The following ATP2A1 variants were observed in gnomAD, a reference collection of about 807,000 sequenced individuals.
ATP2A1 encodes sarcoplasmic/endoplasmic reticulum calcium ATPase 1.
ATP2A1 carries 83 observed loss-of-function variants against 109.5 expected under a neutral mutation model. The observed-to-expected ratio is 0.76, with a 90% CI of 0.63 to 0.91. ATP2A1 has a LOEUF of 0.91. ATP2A1 is among the 40% of genes least tolerant of loss of function. ATP2A1 has a pLI of 0.00. For synonymous variants in ATP2A1, 505 were observed against 537.6 expected (o/e 0.94, Z 0.84); for missense variants, 1,101 against 1,341.0 (o/e 0.82, Z 2.80).
chr16:28,899,184 G>C (rs1963996249), intron 14 of ATP2A1, among the ~76,000 whole-genome samples: 1 of 152,202 alleles, frequency 6.6e-6, no homozygotes, highest in South Asian at 2.1e-4. Flanking sequence ...GTTGATCTGT[G>C]TTCTGGCAAA....
intron 7 of ATP2A1, 29 bp downstream of exon 7, chr16:28,887,303 A>C (rs759324555): frequency 3.7e-6 from 6 of 1,613,158 alleles, no homozygotes; most frequent in Non-Finnish European, 5.1e-6. Context: ...GCCATCACAC[A>C]CTCAGTCAAG....
chr16:28,895,051 T>G (rs1567487357), intron 12 of ATP2A1, 98 bp downstream of exon 12: 11 of 1,545,626 alleles, frequency 7.1e-6, no homozygotes, highest in Non-Finnish European at 9.7e-6. Flanking sequence ...CTAGTGCCTG[T>G]GCTGGGACCC....
At chr16:28,885,407 C>T (rs925785399) in intron 6 of ATP2A1, among the ~76,000 whole-genome samples, 4 of 151,816 alleles carry the variant, frequency 2.6e-5, no homozygotes, top group Non-Finnish European at 4.4e-5. Context: ...TGCAGTGGCG[C>T]GATTTCAGCT....
intron 9 of ATP2A1, among the ~76,000 whole-genome samples, chr16:28,889,901 T>C (rs1266665580): frequency 6.6e-6 from 1 of 152,192 alleles, no homozygotes; most frequent in Admixed American, 6.5e-5. Flanking sequence ...CCCAACACTT[T>C]GGGAGGCCAA....
At position 28,894,834 on chromosome 16, in the gene ATP2A1, T is replaced by C. The variant is rs947362423; in HGVS notation, c.1300T>C (p.Tyr434His). 2.5e-5 allele frequency: 40 copies of C among 1,606,690 alleles called. No individual in the cohort carries two copies. The highest frequency in any genetic ancestry group is 3.3e-5 in the Non-Finnish European group (39 of 1,177,758). Residue 434 changes from tyrosine to histidine, a missense_variant, in exon 12 of 23, where the codon TAT (tyrosine) becomes CAT (histidine). Transcript: ENST00000395503. ...CTGCCCATCTCAGGCCAAAGGTGTCTATGAGAAGGTCGGCGAGGCCACCGA... is the reference window on the plus strand; with the variant it reads ...CTGCCCATCTCAGGCCAAAGGTGTCCATGAGAAGGTCGGCGAGGCCACCGA... ...SLDFNEAKGVYEKVGEATETA... is the reference protein window; with the variant it reads ...SLDFNEAKGVHEKVGEATETA...
At chr16:28,897,915 GCC>G in intron 12 of ATP2A1, 83 bp from the exon 13 acceptor site, 1 of 1,545,724 alleles carries the variant, frequency 6.5e-7, no homozygotes, top group South Asian at 1.1e-5. Context: ...GTTAGTCTCA[GCC>G]TTAGCTTGGG....
In ATP2A1 at chr16:28,903,512, C is replaced by G; in HGVS notation, c.2980+72C>G. ...CTTCCCCATGACGCCGCCCCCGCCC[C>G]GCCCCGTACTTTGCAGGTGGTAAGT... On this transcript the variant is annotated intron_variant, in intron 21 of 22. Transcript: ENST00000395503. This position sits in a 1 kb window ranked among gnomAD's most constrained non-coding sequence, Gnocchi z 5.6. 7.1e-7 allele frequency: 1 copy of G among 1,412,842 alleles called. No homozygotes were observed. The highest frequency in any genetic ancestry group is 1.0e-6 in the Non-Finnish European group (1 of 1,000,878). 87.5% of individuals were successfully genotyped at this position (1,412,842 alleles called of 1,614,324 possible). A position where few individuals can be genotyped will look rare whatever the true frequency, so the allele number is the denominator to read the frequency against.
Position 28,895,063 on chromosome 16 carries a change from A to G in ATP2A1, c.1419+110A>G. 5 of 1,494,708 alleles carry G rather than the reference A, an allele frequency of 3.3e-6. No individual in the cohort carries two copies. The East Asian group carries it at 9.2e-5, about 27-fold the overall frequency. The allele number at this position is 1,494,708 out of a possible 1,614,324, so 92.6% of individuals were successfully genotyped here. A position where few individuals can be genotyped will look rare whatever the true frequency, so the allele number is the denominator to read the frequency against. On this transcript the variant is annotated intron_variant, in intron 12 of 22. Coordinates refer to ENST00000395503, the MANE Select transcript of ATP2A1 (RefSeq NM_004320.6). Reference sequence around the variant, plus strand: ...AGCCTAGTGCCTGTGCTGGGACCCCACCCAGGCAGCAGACAGCCCCTGCAG... The same window carrying G: ...AGCCTAGTGCCTGTGCTGGGACCCCGCCCAGGCAGCAGACAGCCCCTGCAG...
intron 9 of ATP2A1, chr16:28,892,795 A>T (rs1414441366): frequency 1.3e-5 from 2 of 152,282 alleles, no homozygotes; most frequent in Non-Finnish European, 2.9e-5. Flanking sequence ...CTGTAATCCC[A>T]GCACTTTGGG....
At position 28,898,598 on chromosome 16, in the gene ATP2A1, G is replaced by A; in HGVS notation, c.1764+147G>A. The A allele has an allele frequency of 1.0e-6, 1 of 1,001,454 alleles. No individual in the cohort carries two copies. The highest frequency in any genetic ancestry group is 1.5e-5 in the South Asian group (1 of 67,766). 62.0% of individuals were successfully genotyped at this position (1,001,454 alleles called of 1,614,324 possible). ...GTACAGGCCATGGAATCACAGGACA[G>A]TAGAGTTTCAGAGAACCTTGGGAGG... On this transcript the variant is annotated intron_variant, in intron 14 of 22. Coordinates refer to ENST00000395503, the MANE Select transcript of ATP2A1 (RefSeq NM_004320.6). This position sits in a 1 kb window ranked among gnomAD's most constrained non-coding sequence, Gnocchi z 4.0.
chr16:28,903,459 G>C lies in ATP2A1; in HGVS notation c.2980+19G>C. 6.2e-7 allele frequency: 1 copy of C among 1,601,836 alleles called. No individual in the cohort carries two copies. Among genetic ancestry groups the C allele is most frequent in the Non-Finnish European group, 8.6e-7 (1 of 1,169,250 alleles). On this transcript the variant is annotated intron_variant, in intron 21 of 22. Coordinates refer to ENST00000395503, the MANE Select transcript of ATP2A1 (RefSeq NM_004320.6). This position sits in a 1 kb window ranked among gnomAD's most constrained non-coding sequence, Gnocchi z 5.6. Reference sequence around the variant, plus strand: ...CTAGAGGGTAAGGAGTGCCCTCTCTGTCCCAAGCCCTGGCCCCACCACAGC... The same window carrying C: ...CTAGAGGGTAAGGAGTGCCCTCTCTCTCCCAAGCCCTGGCCCCACCACAGC...
chr16:28,900,412 C>T (rs768443338), intron 14 of ATP2A1, among the ~76,000 whole-genome samples, 169 bp from the exon 15 acceptor site: 2 of 152,086 alleles, frequency 1.3e-5, no homozygotes, highest in Non-Finnish European at 2.9e-5. Context: ...TTCCAAGGCC[C>T]CACTGAGGTC....
At chr16:28,895,649 G>A (rs577804762) in intron 12 of ATP2A1, among the ~76,000 whole-genome samples, 2 of 150,612 alleles carry the variant, frequency 1.3e-5, no homozygotes, top group East Asian at 2.0e-4. Context: ...AACATAGTGA[G>A]ACCCGCATCT....
At position 28,903,674 on chromosome 16, in the gene ATP2A1, G is replaced by T. The variant is rs1400248892; in HGVS notation, c.2981-26G>T. The T allele has an allele frequency of 6.2e-7, 1 of 1,608,686 alleles. No individual in the cohort carries two copies. Among genetic ancestry groups the T allele is most frequent in the South Asian group, 1.1e-5 (1 of 90,932 alleles). On this transcript the variant is annotated intron_variant, in intron 21 of 22. Coordinates refer to ENST00000395503, the MANE Select transcript of ATP2A1 (RefSeq NM_004320.6). This position sits in a 1 kb window ranked among gnomAD's most constrained non-coding sequence, Gnocchi z 5.6. The stretch of plus-strand genomic sequence containing the variant: ...ATGCCACCTCCCTGCCTTGATAACA[G>T]TGCCTCTTGTCCTCTCTGGCCATAG...
chr16:28,890,347 T>TCC (rs1233585277), intron 9 of ATP2A1, among the ~76,000 whole-genome samples: 2 of 148,338 alleles, frequency 1.3e-5, no homozygotes, highest in Non-Finnish European at 3.0e-5. Flanking sequence ...ACACTTGTAG[T>TCC]CCCAGCTACT....
At position 28,883,957 on chromosome 16, in the gene ATP2A1, T is replaced by C. The variant is rs554053808; in HGVS notation, c.464-618T>C. Among the ~76,000 whole-genome samples, 1 of 152,168 alleles carries C rather than the reference T, an allele frequency of 6.6e-6. No individual in the cohort carries two copies. The highest frequency in any genetic ancestry group is 6.6e-5 in the Admixed American group (1 of 15,254). On this transcript the variant is annotated intron_variant, in intron 5 of 22. Transcript: ENST00000395503. This position sits in a 1 kb window ranked among gnomAD's most constrained non-coding sequence, Gnocchi z 5.2. Reference sequence around the variant, plus strand: ...CCCCGCTGCCTTGAGTCCTGCCCACTCATACCTTCCGCTCACTCCTCTCCT... The same window carrying C: ...CCCCGCTGCCTTGAGTCCTGCCCACCCATACCTTCCGCTCACTCCTCTCCT...
At chr16:28,882,029 C>T (rs1366165607) in intron 4 of ATP2A1, among the ~76,000 whole-genome samples, 3 of 150,782 alleles carry the variant, frequency 2.0e-5, no homozygotes, top group African/African-American at 7.3e-5. Flanking sequence ...TCTCTGCCTC[C>T]AGGTTCTGGT....
chr16:28,879,735 C>A, intron 3 of ATP2A1, 152 bp downstream of exon 3: 1 of 919,326 alleles, frequency 1.1e-6, no homozygotes, highest in South Asian at 1.4e-5. Flanking sequence ...GGGTGTGATT[C>A]GCGTCCTCCT....
Position 28,880,056 on chromosome 16 carries a change from GC to G in ATP2A1, c.219+474del. 1 of 1,004,174 alleles carries G rather than the reference GC, an allele frequency of 1.0e-6. No homozygotes were observed. 62.2% of individuals were successfully genotyped at this position (1,004,174 alleles called of 1,614,324 possible). On this transcript the variant is annotated intron_variant, in intron 3 of 22. Coordinates refer to ENST00000395503, the MANE Select transcript of ATP2A1 (RefSeq NM_004320.6). This position sits in a 1 kb window ranked among gnomAD's most constrained non-coding sequence, Gnocchi z 4.2. ...GACTCGCTCCTAGTGGCGGGAAAGC[GC>G]GGCGGTGTGATGATGACTCCAAGGA...
Sources: allele counts gnomAD v4.1 joint callset (sites outside exome capture counted in the v4.1 genomes callset), GRCh38; gene constraint gnomAD v4.1.1; non-coding constraint Gnocchi (gnomAD v3.1); transcripts MANE v1.5; gene names NCBI Gene and HGNC (gene_info 2026-07-23, HGNC 2026-07-21).